CTNNA2: variants seen among roughly 807,000 people sequenced by gnomAD.
The protein encoded by CTNNA2 is catenin alpha-2.
In CTNNA2, 42 loss-of-function variants were observed where a neutral mutation model predicts 101.0. The observed-to-expected ratio is 0.42, with a 90% confidence interval of 0.32 to 0.54. CTNNA2 has a LOEUF of 0.54. CTNNA2 is among the 20% of genes least tolerant of loss of function. CTNNA2 has a pLI of 0.14. For missense variants in CTNNA2, 871 were observed against 1,223.1 expected (o/e 0.71, Z 4.29); for synonymous variants, 450 against 456.4 (o/e 0.99, Z 0.18).
intron 12 of CTNNA2, among the ~76,000 whole-genome samples, chr2:80,571,516 T>C (rs1250656836): frequency 1.3e-5 from 2 of 152,232 alleles, no homozygotes; most frequent in Non-Finnish European, 2.9e-5. Context: ...AGGTAACTAC[T>C]ATATTTAAAG....
At chr2:79,883,407 A>C (rs1219256883) in intron 6 of CTNNA2, among the ~76,000 whole-genome samples, 1 of 152,218 alleles carries the variant, frequency 6.6e-6, no homozygotes, top group Non-Finnish European at 1.5e-5. Context: ...CAAAAGAATG[A>C]GGAAAAAAGC....
intron 1 of CTNNA2, among the ~76,000 whole-genome samples, chr2:79,562,409 G>C (rs980823934): frequency 6.6e-6 from 1 of 151,964 alleles, no homozygotes; most frequent in Admixed American, 6.6e-5. Flanking sequence ...AAATAATGTA[G>C]TTAGGTAAAT....
At chr2:80,125,317 C>T (rs1225158661) in intron 7 of CTNNA2, among the ~76,000 whole-genome samples, 2 of 152,140 alleles carry the variant, frequency 1.3e-5, no homozygotes, top group Admixed American at 6.5e-5. Context: ...ACCGTGGAGC[C>T]TTCCCCAAAT....
chr2:79,571,297 A>G (rs114282550), intron 1 of CTNNA2, among the ~76,000 whole-genome samples: 3,997 of 152,198 alleles, frequency 0.026, 180 homozygotes, highest in African/African-American at 0.091. Flanking sequence ...GCTCCCCACC[A>G]TCCCAACCAT....
chr2:79,280,685 A>AGAGAGAGAGAGAGAG (rs1553390858), intron 2 of CTNNA2, among the ~76,000 whole-genome samples: 1,618 of 88,322 alleles, frequency 0.018, 88 homozygotes, highest in African/African-American at 0.026. Context: ...GAGAGAGAGA[A>AGAGAGAGAGAGAGAG]AGAGAGAGAG....
At chr2:79,349,047 T>G (rs1250508377) in intron 3 of CTNNA2, among the ~76,000 whole-genome samples, 1 of 152,184 alleles carries the variant, frequency 6.6e-6, no homozygotes. Flanking sequence ...ATATGCAAAG[T>G]GGAAATTCCT....
At chr2:80,140,811 G>T (rs78222612) in intron 7 of CTNNA2, among the ~76,000 whole-genome samples, 1 of 152,070 alleles carries the variant, frequency 6.6e-6, no homozygotes, top group Admixed American at 6.6e-5. Context: ...AGCAAAAGCA[G>T]AGAAACCCCA....
intron 7 of CTNNA2, among the ~76,000 whole-genome samples, chr2:80,375,173 C>T (rs1675822776): frequency 6.6e-6 from 1 of 152,052 alleles, no homozygotes; most frequent in East Asian, 1.9e-4. Context: ...CTTTGTTTTC[C>T]ATTTAACAGG....
intron 7 of CTNNA2, among the ~76,000 whole-genome samples, chr2:80,094,486 C>A (rs567991323): frequency 6.6e-6 from 1 of 152,058 alleles, no homozygotes; most frequent in African/African-American, 2.4e-5. Context: ...CTTGGCAATG[C>A]GGGCTCTTTT....
intron 3 of CTNNA2, among the ~76,000 whole-genome samples, chr2:79,357,892 C>G (rs570486203): frequency 3.3e-5 from 5 of 152,222 alleles, no homozygotes; most frequent in African/African-American, 1.2e-4. Context: ...TGTAAAACAT[C>G]TTTGAATTTC....
At position 80,303,481 on chromosome 2, in the gene CTNNA2, G is replaced by T; in HGVS notation, c.1057-89730G>T. On this transcript the variant is annotated intron_variant, in intron 7 of 18. Transcript: ENST00000402739. The surrounding 1 kb of genome is among the most constrained non-coding windows in gnomAD (Gnocchi z 7.7). ...AACTCAGCGTGAGTTCCTTAACTCG[G>T]CGCAGTTTCTGAAAGGCGTCCCCCT... 1 of 1,614,212 alleles carries T rather than the reference G, an allele frequency of 6.2e-7. No individual in the cohort carries two copies. Among genetic ancestry groups the T allele is most frequent in the South Asian group, 1.1e-5 (1 of 91,088 alleles).
intron 4 of CTNNA2, among the ~76,000 whole-genome samples, chr2:79,477,103 T>A (rs1006066880): frequency 2.6e-5 from 4 of 152,178 alleles, no homozygotes; most frequent in African/African-American, 9.6e-5. Context: ...AGAGTTTTAA[T>A]GTTAATAGAG....
intron 2 of CTNNA2, among the ~76,000 whole-genome samples, chr2:79,261,077 G>T (rs574738599): frequency 8.5e-5 from 13 of 152,256 alleles, no homozygotes; most frequent in African/African-American, 2.9e-4. Flanking sequence ...CATCAATGTA[G>T]ATACAGAAGA....
At chr2:80,470,957 A>C (rs920388268) in intron 9 of CTNNA2, among the ~76,000 whole-genome samples, 1 of 152,308 alleles carries the variant, frequency 6.6e-6, no homozygotes, top group South Asian at 2.1e-4. Flanking sequence ...CAGCCATGCA[A>C]GACTGGAGTG....
At chr2:79,226,457 G>GTTACCCTCTT (rs201503594) in intron 2 of CTNNA2, among the ~76,000 whole-genome samples, 1 of 152,072 alleles carries the variant, frequency 6.6e-6, no homozygotes, top group Non-Finnish European at 1.5e-5. Flanking sequence ...GTTATTTTTT[G>GTTACCCTCTT]TGGCCACGTT....
chr2:79,305,847 C>T (rs901889120), intron 2 of CTNNA2, among the ~76,000 whole-genome samples: 2 of 151,932 alleles, frequency 1.3e-5, no homozygotes, highest in Middle Eastern at 3.2e-3. Flanking sequence ...AGATCGAGAC[C>T]ATCCTGGCTA....
chr2:79,965,593 G>A (rs113011771), intron 7 of CTNNA2, among the ~76,000 whole-genome samples: 4 of 152,032 alleles, frequency 2.6e-5, no homozygotes, highest in Non-Finnish European at 4.4e-5. Flanking sequence ...GGAGGCCAAG[G>A]GGGGCGGATC....
chr2:79,808,009 T>A (rs1344486251), intron 3 of CTNNA2, among the ~76,000 whole-genome samples: 1 of 152,210 alleles, frequency 6.6e-6, no homozygotes, highest in Non-Finnish European at 1.5e-5. Context: ...GGACTCATCA[T>A]GATCTATGAT....
intron 1 of CTNNA2, among the ~76,000 whole-genome samples, chr2:79,536,891 G>C (rs566258453): frequency 2.0e-5 from 3 of 151,912 alleles, no homozygotes; most frequent in Non-Finnish European, 4.4e-5. Context: ...TAGTAGAGAC[G>C]GGGTTTCAGC....
Sources: allele counts gnomAD v4.1 joint callset (sites outside exome capture counted in the v4.1 genomes callset), GRCh38; gene constraint gnomAD v4.1.1; non-coding constraint Gnocchi (gnomAD v3.1); transcripts MANE v1.5; gene names NCBI Gene and HGNC (gene_info 2026-07-23, HGNC 2026-07-21).